The following KLHL18 variants were observed in gnomAD, a reference collection of about 807,000 sequenced individuals.
The protein encoded by KLHL18 is kelch-like protein 18.
In KLHL18, 38 loss-of-function variants were observed where a neutral mutation model predicts 58.5. The observed-to-expected ratio is 0.65, with a 90% CI of 0.50 to 0.85. The LOEUF (loss-of-function observed/expected upper bound fraction) is 0.85, where lower values mean the gene tolerates loss of function less well. Ranked by LOEUF, KLHL18 falls within the 40% of genes least tolerant of loss-of-function variation. KLHL18 has a pLI of 0.00. For missense variants in KLHL18, 624 were observed against 778.4 expected (o/e 0.80, Z 2.36); for synonymous variants, 303 against 301.9 (o/e 1.00, Z -0.04).
intron 1 of KLHL18, among the ~76,000 whole-genome samples, chr3:47,307,775 T>C (rs543940615): frequency 2.6e-5 from 4 of 152,350 alleles, no homozygotes; most frequent in African/African-American, 9.6e-5. Context: ...TGTGGATAAC[T>C]AGTTGTCCCA....
At chr3:47,284,417 ACTCT>A (rs1376726805) in intron 1 of KLHL18, among the ~76,000 whole-genome samples, 1 of 148,060 alleles carries the variant, frequency 6.8e-6, no homozygotes, top group Non-Finnish European at 1.5e-5. Flanking sequence ...GCTCACTGAA[ACTCT>A]CTCTCCTGGG....
chr3:47,321,420 C>G lies in KLHL18; in HGVS notation c.261-1148C>G, dbSNP rs367801995. The stretch of plus-strand genomic sequence containing the variant: ...AGAATGCAATGACATGATCTCTGTT[C>G]ACTGCAACAACCTCCGCCTCTTGGA... On this transcript the variant is annotated intron_variant, in intron 2 of 9. Coordinates refer to ENST00000232766, the MANE Select transcript of KLHL18 (RefSeq NM_025010.5). Among the ~76,000 whole-genome samples the G allele has an allele frequency of 1.4e-3, 210 of 149,484 alleles. 3 individuals carry two copies. The South Asian group carries it at 0.043, about 30-fold the overall frequency.
chr3:47,284,109 G>A (rs1045270491), intron 1 of KLHL18, among the ~76,000 whole-genome samples: 4 of 152,108 alleles, frequency 2.6e-5, no homozygotes, highest in Admixed American at 6.5e-5. Flanking sequence ...GCCTGTGCCC[G>A]TAGTCCCAGC....
rs565533087 is a variant in KLHL18, at chr3:47,285,963, C to T, written c.129+2869C>T. Among the ~76,000 whole-genome samples, 197 of 151,636 alleles carry T rather than the reference C, an allele frequency of 1.3e-3. 1 individual carries two copies. The highest frequency in any genetic ancestry group is 4.5e-3 in the African/African-American group (184 of 41,308). ...GCTGAGGTGGGAGGATCACTTGAGC[C>T]TGGGAGGCAGAGGCTGCAGTGAGCC... On this transcript the variant is annotated intron_variant, in intron 1 of 9. Transcript: ENST00000232766.
chr3:47,325,076 T>G (rs1703683253), intron 3 of KLHL18, among the ~76,000 whole-genome samples: 1 of 152,176 alleles, frequency 6.6e-6, no homozygotes, highest in Non-Finnish European at 1.5e-5. Context: ...TATTATTGTC[T>G]CTGTTCCTTG....
chr3:47,327,562 A>AT (rs1285710399), intron 3 of KLHL18, among the ~76,000 whole-genome samples: 1 of 152,256 alleles, frequency 6.6e-6, no homozygotes. Flanking sequence ...TTCAATCACT[A>AT]TAAGTGCTTT....
chr3:47,313,694 T>G (rs959089264), intron 1 of KLHL18, among the ~76,000 whole-genome samples: 1 of 152,226 alleles, frequency 6.6e-6, no homozygotes, highest in African/African-American at 2.4e-5. Context: ...TCTATGTAGT[T>G]TTATCATGTG....
At chr3:47,315,024 T>G (rs1453097775) in intron 1 of KLHL18, among the ~76,000 whole-genome samples, 1 of 152,142 alleles carries the variant, frequency 6.6e-6, no homozygotes, top group Non-Finnish European at 1.5e-5. Context: ...TGCACAGCAG[T>G]TAAACACAGC....
intron 1 of KLHL18, among the ~76,000 whole-genome samples, chr3:47,312,303 A>G (rs1703320556): frequency 6.6e-6 from 1 of 152,036 alleles, no homozygotes; most frequent in East Asian, 1.9e-4. Context: ...CCTATCTTGG[A>G]CTTTGAACCT....
At chr3:47,309,387 G>A (rs988636596) in intron 1 of KLHL18, among the ~76,000 whole-genome samples, 8 of 151,716 alleles carry the variant, frequency 5.3e-5, no homozygotes, top group Admixed American at 3.3e-4. Flanking sequence ...CGGGGCGGCC[G>A]GGCAGAGATG....
intron 1 of KLHL18, among the ~76,000 whole-genome samples, chr3:47,310,718 G>A (rs571035581): frequency 2.4e-4 from 36 of 152,248 alleles, no homozygotes; most frequent in African/African-American, 8.7e-4. Flanking sequence ...ATGCCAGATC[G>A]CACCAGTAAC....
At chr3:47,330,729 A>G (rs1028125544) in intron 4 of KLHL18, among the ~76,000 whole-genome samples, 1 of 151,990 alleles carries the variant, frequency 6.6e-6, no homozygotes, top group African/African-American at 2.4e-5. Context: ...AAGCATAGAT[A>G]ATTTTTTTGT....
In KLHL18 at chr3:47,334,277, A is replaced by G. The variant is rs1703934351; in HGVS notation, c.762-406A>G. Among the ~76,000 whole-genome samples the G allele has an allele frequency of 6.6e-6, 1 of 152,128 alleles. No homozygotes were observed. The highest frequency in any genetic ancestry group is 6.5e-5 in the Admixed American group (1 of 15,268). On this transcript the variant is annotated intron_variant, in intron 5 of 9. Coordinates refer to ENST00000232766, the MANE Select transcript of KLHL18 (RefSeq NM_025010.5). The surrounding 1 kb of genome is among the most constrained non-coding windows in gnomAD (Gnocchi z 4.7). ...CAGGCCTGAGGCAGGGAAATGTGTC[A>G]GGAGCTGCCACCGTGGAGATGAGTG... is the stretch of plus-strand genomic sequence containing the variant.
intron 1 of KLHL18, among the ~76,000 whole-genome samples, chr3:47,312,905 A>ATTTTTTTTTTTTT (rs35710141): frequency 8.5e-6 from 1 of 117,874 alleles, no homozygotes; most frequent in Non-Finnish European, 1.8e-5. Context: ...ATACCTTTTA[A>ATTTTTTTTTTTTT]TTTTTTTTTT....
At chr3:47,298,353 T>A (rs375132538) in intron 1 of KLHL18, among the ~76,000 whole-genome samples, 5 of 118,518 alleles carry the variant, frequency 4.2e-5, no homozygotes, top group Non-Finnish European at 6.7e-5. Flanking sequence ...ATCCTGTCTC[T>A]AAAAAAAAAA....
At chr3:47,328,225 T>C (rs1349982339) in intron 3 of KLHL18, among the ~76,000 whole-genome samples, 1 of 151,884 alleles carries the variant, frequency 6.6e-6, no homozygotes, top group Admixed American at 6.6e-5. Flanking sequence ...TTTTTTTTTT[T>C]TTTAATTAGC....
chr3:47,333,331 G>A lies in KLHL18; in HGVS notation c.761+14G>A. ...CCACAAATGCAGGTGAGTGAGGGTG[G>A]ACCTGCACAGGACACTGCCAAAGGT... On this transcript the variant is annotated intron_variant, in intron 5 of 9. Coordinates refer to ENST00000232766, the MANE Select transcript of KLHL18 (RefSeq NM_025010.5). The A allele has an allele frequency of 6.2e-7, 1 of 1,610,558 alleles. No individual in the cohort carries two copies. Among genetic ancestry groups the A allele is most frequent in the Non-Finnish European group, 8.5e-7 (1 of 1,177,922 alleles).
At chr3:47,296,284 ATCTCT>A (rs1372919923) in intron 1 of KLHL18, among the ~76,000 whole-genome samples, 3 of 152,344 alleles carry the variant, frequency 2.0e-5, no homozygotes, top group African/African-American at 7.2e-5. Context: ...ATCGTGAGCC[ATCTCT>A]TACCTAGTAT....
intron 6 of KLHL18, among the ~76,000 whole-genome samples, chr3:47,335,293 C>A (rs979339979): frequency 2.5e-4 from 38 of 152,220 alleles, no homozygotes; most frequent in African/African-American, 8.9e-4. Flanking sequence ...GAGAAAGTCC[C>A]CAAGAGAAAG....
Sources: gnomAD v4.1 joint callset for allele counts (sites outside exome capture counted in the v4.1 genomes callset) on GRCh38, gnomAD v4.1.1 for gene constraint, Gnocchi (gnomAD v3.1) non-coding constraint, MANE v1.5 for transcripts, NCBI Gene and HGNC (gene_info 2026-07-23, HGNC 2026-07-21) for gene names.